The following FHIP1A variants were observed in gnomAD, a reference collection of about 807,000 sequenced individuals.
The protein encoded by FHIP1A is FHF complex subunit HOOK interacting protein 1A.
Under a neutral mutation model 88.6 loss-of-function variants are expected in FHIP1A, and 61 were observed. That is an observed-to-expected ratio of 0.69 (90% CI 0.56 to 0.85). The LOEUF is 0.85. Ranked by LOEUF, FHIP1A falls within the 40% of genes least tolerant of loss-of-function variation. FHIP1A has a pLI of 0.00. For synonymous variants in FHIP1A, 478 were observed against 496.0 expected, an observed-to-expected ratio of 0.96 and a Z score of 0.48; for missense variants, 1,154 against 1,273.5, an observed-to-expected ratio of 0.91 and a Z score of 1.43.
At position 151,646,431 on chromosome 4, in the gene FHIP1A, TC is replaced by T. The variant is rs1736794606; in HGVS notation, c.1227-126del. On this transcript the variant is annotated intron_variant, in intron 9 of 13. Transcript: ENST00000435205. ...TGAACCCTGGTGGCTGGTGAGATGATCAATTGAGAGCTGAGAGAGGATGAGT... is the reference window on the plus strand; with the variant it reads ...TGAACCCTGGTGGCTGGTGAGATGATAATTGAGAGCTGAGAGAGGATGAGT... 4.9e-6 allele frequency: 3 copies of T among 613,008 alleles called. No individual in the cohort carries two copies. In the East Asian group the frequency reaches 8.3e-5, roughly 17 times the overall value. 38.0% of individuals were successfully genotyped at this position (613,008 alleles called of 1,614,324 possible).
At chr4:151,634,571 A>G (rs2126884791) in intron 8 of FHIP1A, among the ~76,000 whole-genome samples, 1 of 151,972 alleles carries the variant, frequency 6.6e-6, no homozygotes, top group South Asian at 2.1e-4. Context: ...GAAACAGAAT[A>G]AGAAACAGAA....
chr4:151,590,524 A>G (rs1035861458), intron 7 of FHIP1A, among the ~76,000 whole-genome samples: 8 of 152,194 alleles, frequency 5.3e-5, no homozygotes, highest in African/African-American at 9.7e-5. Flanking sequence ...TACATGTGCT[A>G]TTGCTTGCTT....
intron 3 of FHIP1A, among the ~76,000 whole-genome samples, chr4:151,511,836 T>G (rs983412048): frequency 2.0e-5 from 3 of 152,262 alleles, no homozygotes; most frequent in African/African-American, 7.2e-5. Context: ...CCTGCCTCTG[T>G]AGGCTCCGCC....
intron 7 of FHIP1A, among the ~76,000 whole-genome samples, chr4:151,618,262 A>G (rs1216097848): frequency 6.6e-6 from 1 of 152,234 alleles, no homozygotes; most frequent in Non-Finnish European, 1.5e-5. Flanking sequence ...AGGGCAAAGA[A>G]TTGAGATTAG....
chr4:151,484,755 T>C (rs1182682741), intron 3 of FHIP1A, among the ~76,000 whole-genome samples: 1 of 152,246 alleles, frequency 6.6e-6, no homozygotes, highest in Non-Finnish European at 1.5e-5. Context: ...AGCAGGTGGA[T>C]AGAGGCAATT....
At chr4:151,600,830 C>T (rs927509289) in intron 7 of FHIP1A, among the ~76,000 whole-genome samples, 10 of 152,104 alleles carry the variant, frequency 6.6e-5, no homozygotes, top group African/African-American at 9.7e-5. Flanking sequence ...CCAAGGACTC[C>T]GAGAGTGAGT....
chr4:151,482,921 T>C (rs1049315156), intron 3 of FHIP1A, among the ~76,000 whole-genome samples: 1 of 152,104 alleles, frequency 6.6e-6, no homozygotes, highest in African/African-American at 2.4e-5. Context: ...AAGGATATAC[T>C]TAGGAAATAG....
At chr4:151,425,434 A>G (rs1733326687) in intron 1 of FHIP1A, among the ~76,000 whole-genome samples, 1 of 152,184 alleles carries the variant, frequency 6.6e-6, no homozygotes, top group Non-Finnish European at 1.5e-5. Flanking sequence ...CTAAAGTTAT[A>G]TATTATAAAT....
At chr4:151,498,226 T>C (rs1021592988) in intron 3 of FHIP1A, among the ~76,000 whole-genome samples, 4 of 152,224 alleles carry the variant, frequency 2.6e-5, no homozygotes, top group Admixed American at 6.5e-5. Context: ...TCTTTAAGAA[T>C]GTCATTAGTG....
rs1471241157 is a variant in FHIP1A at position 151,667,394 on chromosome 4, C to G, written c.*4640C>G. ...AGAGAATGCAGTTGACTCTTTCCCC[C>G]CCTTCTTTTTGAATGAACCTCGTAA... On this transcript the variant is annotated 3_prime_UTR_variant, in exon 14 of 14. Coordinates refer to ENST00000435205, the MANE Select transcript of FHIP1A (RefSeq NM_001109977.3). 1 of 152,178 alleles carries G rather than the reference C, an allele frequency of 6.6e-6. No individual in the cohort carries two copies. The highest frequency in any genetic ancestry group is 2.1e-4 in the South Asian group (1 of 4,826). 9.4% of individuals were successfully genotyped at this position (152,178 alleles called of 1,614,324 possible). A position where few individuals can be genotyped will look rare whatever the true frequency, so the allele number is the denominator to read the frequency against.
chr4:151,659,453 A>G lies in FHIP1A; in HGVS notation c.2869+2555A>G, dbSNP rs116802368. Among the ~76,000 whole-genome samples, 211 of 152,280 alleles carry G rather than the reference A, an allele frequency of 1.4e-3. 2 individuals carry two copies. Among genetic ancestry groups the G allele is most frequent in the African/African-American group, 4.9e-3 (204 of 41,546 alleles). On this transcript the variant is annotated intron_variant, in intron 13 of 13. Coordinates refer to ENST00000435205, the MANE Select transcript of FHIP1A (RefSeq NM_001109977.3). ...AATGAAGAATTATGGTAATGGGCCA[A>G]ATATTTGGGTTTCCAAGTGTCTGTG... is the stretch of plus-strand genomic sequence containing the variant.
chr4:151,531,345 A>G (rs1731870761), intron 3 of FHIP1A, among the ~76,000 whole-genome samples: 1 of 151,912 alleles, frequency 6.6e-6, no homozygotes, highest in African/African-American at 2.4e-5. Context: ...CCAATTGTTG[A>G]GGTGGAGGGG....
chr4:151,463,426 T>A (rs1256692153), intron 2 of FHIP1A, among the ~76,000 whole-genome samples: 1 of 152,234 alleles, frequency 6.6e-6, no homozygotes, highest in East Asian at 1.9e-4. Flanking sequence ...TTCTGTGTCA[T>A]GACAGGGCAC....
intron 1 of FHIP1A, among the ~76,000 whole-genome samples, chr4:151,442,809 T>G (rs2126563179): frequency 6.6e-6 from 1 of 152,332 alleles, no homozygotes; most frequent in African/African-American, 2.4e-5. Flanking sequence ...TGTTCTATCC[T>G]TGTGTCTTTT....
chr4:151,627,646 G>T (rs1032460381), intron 7 of FHIP1A, among the ~76,000 whole-genome samples: 1 of 152,188 alleles, frequency 6.6e-6, no homozygotes, highest in African/African-American at 2.4e-5. Flanking sequence ...TCCCAAGTTT[G>T]CAGTAGTGAA....
At chr4:151,601,356 G>C (rs2126829563) in intron 7 of FHIP1A, among the ~76,000 whole-genome samples, 1 of 152,050 alleles carries the variant, frequency 6.6e-6, no homozygotes, top group Non-Finnish European at 1.5e-5. Context: ...GAAGCCATCA[G>C]CATGCTTATT....
intron 5 of FHIP1A, among the ~76,000 whole-genome samples, chr4:151,581,446 T>A (rs1734022526): frequency 6.6e-6 from 1 of 152,156 alleles, no homozygotes; most frequent in Non-Finnish European, 1.5e-5. Flanking sequence ...AATTTAAAAA[T>A]TTAAATATGA....
chr4:151,462,601 T>C (rs1729178198), intron 2 of FHIP1A, among the ~76,000 whole-genome samples: 1 of 152,184 alleles, frequency 6.6e-6, no homozygotes, highest in Admixed American at 6.6e-5. Flanking sequence ...AGAGGAGTCA[T>C]ATATGCATAT....
chr4:151,453,496 A>C (rs2126585593), intron 1 of FHIP1A, among the ~76,000 whole-genome samples: 1 of 152,338 alleles, frequency 6.6e-6, no homozygotes, highest in African/African-American at 2.4e-5. Flanking sequence ...TCACCGTACA[A>C]GTTTATTGTA....
Sources: allele counts gnomAD v4.1 joint callset (sites outside exome capture counted in the v4.1 genomes callset), GRCh38; gene constraint gnomAD v4.1.1; transcripts MANE v1.5; gene names NCBI Gene and HGNC (gene_info 2026-07-23, HGNC 2026-07-21).